The following VWA8 variants were observed in gnomAD, a reference collection of about 807,000 sequenced individuals.
VWA8 encodes von Willebrand factor A domain-containing protein 8.
In VWA8, 221 loss-of-function variants were observed where a neutral mutation model predicts 241.5. The observed-to-expected ratio is 0.91, with a 90% CI of 0.82 to 1.02. The LOEUF is 1.02. Among genes scored for constraint, VWA8 ranks in the 50% least tolerant of loss-of-function variants. The pLI, the probability that VWA8 is intolerant of heterozygous loss-of-function variation, is 0.00. For synonymous variants in VWA8, 852 were observed against 827.1 expected, an observed-to-expected ratio of 1.03 and a Z score of -0.52; for missense variants, 2,322 against 2,328.7, an observed-to-expected ratio of 1.00 and a Z score of 0.06.
At chr13:41,929,130 A>C (rs1375332676) in intron 2 of VWA8, among the ~76,000 whole-genome samples, 1 of 151,866 alleles carries the variant, frequency 6.6e-6, no homozygotes, top group African/African-American at 2.4e-5. Context: ...AAACTTGGAA[A>C]CATCACACTT....
chr13:41,826,637 AG>A (rs980203608), intron 14 of VWA8, among the ~76,000 whole-genome samples: 3 of 152,184 alleles, frequency 2.0e-5, no homozygotes, highest in African/African-American at 4.8e-5. Flanking sequence ...TGGGAGGCCA[AG>A]GCAGGAGGAT....
chr13:41,811,396 C>T, intron 16 of VWA8, 56 bp from the exon 17 acceptor site: 1 of 1,403,566 alleles, frequency 7.1e-7, no homozygotes, highest in Non-Finnish European at 9.9e-7. Context: ...GCTAAAGTCC[C>T]TTTAGATGGA....
intron 37 of VWA8, among the ~76,000 whole-genome samples, chr13:41,665,653 C>T (rs2137794030): frequency 6.6e-6 from 1 of 151,974 alleles, no homozygotes; most frequent in African/African-American, 2.4e-5. Flanking sequence ...CATTGACTGT[C>T]AACCTATTAA....
At chr13:41,794,513 T>A (rs767494526) in intron 17 of VWA8, among the ~76,000 whole-genome samples, 4 of 152,226 alleles carry the variant, frequency 2.6e-5, no homozygotes, top group Non-Finnish European at 5.9e-5. Flanking sequence ...AAGTTGCTTA[T>A]CAGCTTAAGA....
intron 26 of VWA8, among the ~76,000 whole-genome samples, chr13:41,716,990 T>G (rs2045351743): frequency 6.6e-6 from 1 of 151,028 alleles, no homozygotes; most frequent in Non-Finnish European, 1.5e-5. Context: ...GGGGCAGGGG[T>G]GGAAAGGGGG....
intron 17 of VWA8, among the ~76,000 whole-genome samples, chr13:41,804,895 G>A (rs1471552408): frequency 6.6e-6 from 1 of 151,884 alleles, no homozygotes; most frequent in Admixed American, 6.6e-5. Context: ...TGGTAACCTC[G>A]AACCAAAAAA....
intron 39 of VWA8, among the ~76,000 whole-genome samples, chr13:41,608,421 C>T (rs1402253481): frequency 6.6e-6 from 1 of 152,150 alleles, no homozygotes; most frequent in Non-Finnish European, 1.5e-5. Flanking sequence ...TATCTTTCTG[C>T]TTCTTTAACC....
At chr13:41,932,176 A>G (rs545995851) in intron 2 of VWA8, among the ~76,000 whole-genome samples, 1 of 148,666 alleles carries the variant, frequency 6.7e-6, no homozygotes, top group Admixed American at 6.7e-5. Flanking sequence ...GGATATTGTT[A>G]AAAAAAAAAC....
chr13:41,806,188 T>C (rs1045571660), intron 17 of VWA8, among the ~76,000 whole-genome samples: 1 of 151,458 alleles, frequency 6.6e-6, no homozygotes, highest in African/African-American at 2.4e-5. Flanking sequence ...TTGAAACAAA[T>C]GAAAATGGAA....
chr13:41,677,520 A>C (rs1296794922), intron 35 of VWA8, among the ~76,000 whole-genome samples: 3 of 152,200 alleles, frequency 2.0e-5, no homozygotes, highest in African/African-American at 4.8e-5. Flanking sequence ...ATACAGCTGG[A>C]GAGTGATGGA....
intron 17 of VWA8, among the ~76,000 whole-genome samples, chr13:41,789,805 T>C (rs1196641513): frequency 1.3e-5 from 2 of 152,190 alleles, no homozygotes; most frequent in Non-Finnish European, 2.9e-5. Flanking sequence ...ATTCAGAATG[T>C]AATTGATTAA....
intron 43 of VWA8, among the ~76,000 whole-genome samples, chr13:41,573,599 C>CTA (rs2044329239): frequency 9.5e-6 from 1 of 105,152 alleles, no homozygotes; most frequent in African/African-American, 4.4e-5. Context: ...ATATACACCT[C>CTA]TATATATACG....
intron 42 of VWA8, among the ~76,000 whole-genome samples, chr13:41,580,653 T>A (rs9670556): frequency 0.013 from 2,018 of 152,220 alleles, 51 homozygotes; most frequent in African/African-American, 0.045. Context: ...AATTACAGTT[T>A]AAAAAAATCA....
intron 12 of VWA8, among the ~76,000 whole-genome samples, chr13:41,847,664 G>A (rs1054755064): frequency 6.6e-6 from 1 of 152,196 alleles, no homozygotes; most frequent in Non-Finnish European, 1.5e-5. Context: ...GTAGAGCCTG[G>A]ACACTGGAAG....
intron 14 of VWA8, among the ~76,000 whole-genome samples, chr13:41,824,971 A>G (rs1593796476): frequency 6.6e-6 from 1 of 152,218 alleles, no homozygotes; most frequent in East Asian, 1.9e-4. Context: ...CCCAAGGAAA[A>G]GAAAAGGCCA....
chr13:41,828,534 G>A (rs1357668403), intron 14 of VWA8, among the ~76,000 whole-genome samples: 1 of 152,058 alleles, frequency 6.6e-6, no homozygotes, highest in Non-Finnish European at 1.5e-5. Flanking sequence ...TTAACTCACA[G>A]AAAATGTCAA....
chr13:41,755,181 C>T (rs1421725767), intron 21 of VWA8, among the ~76,000 whole-genome samples: 1 of 151,978 alleles, frequency 6.6e-6, no homozygotes, highest in Non-Finnish European at 1.5e-5. Context: ...TTTGAGGAAC[C>T]TCCAAACTGT....
chr13:41,748,674 G>A (rs1362140972), intron 21 of VWA8, among the ~76,000 whole-genome samples: 9 of 152,088 alleles, frequency 5.9e-5, no homozygotes, highest in Admixed American at 5.9e-4. Context: ...TAGACCAATG[G>A]AACAGAACAG....
intron 21 of VWA8, among the ~76,000 whole-genome samples, chr13:41,739,839 G>GTTTTTTTTTTTTTTTTTTTTTTTTTT (rs1417524214): frequency 2.3e-5 from 1 of 43,586 alleles, no homozygotes; most frequent in Non-Finnish European, 4.8e-5. Context: ...TTTTTTTTTT[G>GTTTTTTTTTTTTTTTTTTTTTTTTTT]TTTTTTTTGT....
Sources: allele counts gnomAD v4.1 joint callset (sites outside exome capture counted in the v4.1 genomes callset), GRCh38; gene constraint gnomAD v4.1.1; transcripts MANE v1.5; gene names NCBI Gene and HGNC (gene_info 2026-07-23, HGNC 2026-07-21).